Variants in MYLK observed in about 807,000 individuals in gnomAD.
The protein encoded by MYLK is myosin light chain kinase, also known as myosin light chain kinase, smooth muscle.
In MYLK, 106 loss-of-function variants were observed where a neutral mutation model predicts 203.4. That is an observed-to-expected ratio of 0.52 (90% CI 0.45 to 0.61). The LOEUF (loss-of-function observed/expected upper bound fraction) is 0.61, where lower values mean the gene tolerates loss of function less well. MYLK is among the 20% of genes least tolerant of loss of function. The pLI is 0.00. For synonymous variants in MYLK, 867 were observed against 959.5 expected, an observed-to-expected ratio of 0.90 and a Z score of 1.78; for missense variants, 2,072 against 2,442.3, an observed-to-expected ratio of 0.85 and a Z score of 3.20.
chr3:123,854,472 A>C (rs2031167814), intron 2 of MYLK, among the ~76,000 whole-genome samples: 1 of 152,136 alleles, frequency 6.6e-6, no homozygotes, highest in Non-Finnish European at 1.5e-5. Context: ...ATAGCTAACA[A>C]ATAAATATAA....
At chr3:123,857,950 A>C (rs1307297399) in intron 2 of MYLK, among the ~76,000 whole-genome samples, 1 of 152,088 alleles carries the variant, frequency 6.6e-6, no homozygotes, top group Non-Finnish European at 1.5e-5. Flanking sequence ...CTTGCACTTC[A>C]ACCCTCCCAC....
chr3:123,874,529 C>T (rs916512294), intron 2 of MYLK, among the ~76,000 whole-genome samples: 1 of 152,020 alleles, frequency 6.6e-6, no homozygotes, highest in Non-Finnish European at 1.5e-5. Flanking sequence ...AAATGTAAAA[C>T]GTCTTGAAGA....
At chr3:123,704,915 G>GT (rs897640770) in intron 16 of MYLK, among the ~76,000 whole-genome samples, 3 of 152,030 alleles carry the variant, frequency 2.0e-5, no homozygotes, top group Admixed American at 2.0e-4. Context: ...GTGAGATTCT[G>GT]TCAAAAAATA....
chr3:123,837,047 T>C (rs1197205191), intron 2 of MYLK, among the ~76,000 whole-genome samples: 1 of 152,190 alleles, frequency 6.6e-6, no homozygotes, highest in African/African-American at 2.4e-5. Flanking sequence ...ACATTTCTTT[T>C]TATTTTTTTG....
chr3:123,612,218 G>GTGTT lies in MYLK; in HGVS notation c.*1883_*1886dup, dbSNP rs879252336. ...CAGTTCTTCACATCTAGGCACCACA[G>GTGTT]TGTTTGTTTTTCATTTCCAGGATAT... is the stretch of plus-strand genomic sequence containing the variant. On this transcript the variant is annotated 3_prime_UTR_variant, in exon 34 of 34. Transcript: ENST00000360304. The GTGTT allele has an allele frequency of 1.3e-5, 2 of 152,652 alleles. No homozygotes were observed. The highest frequency in any genetic ancestry group is 2.4e-5 in the African/African-American group (1 of 41,450). 9.5% of individuals were successfully genotyped at this position (152,652 alleles called of 1,614,324 possible). A position where few individuals can be genotyped will look rare whatever the true frequency, so the allele number is the denominator to read the frequency against.
intron 4 of MYLK, among the ~76,000 whole-genome samples, chr3:123,753,898 T>C (rs1477357116): frequency 6.6e-6 from 1 of 152,200 alleles, no homozygotes; most frequent in Non-Finnish European, 1.5e-5. Context: ...TGGATACGGA[T>C]GAAGCAAAAT....
At chr3:123,762,331 C>T (rs4678055) in intron 4 of MYLK, among the ~76,000 whole-genome samples, 31 of 152,026 alleles carry the variant, frequency 2.0e-4, no homozygotes, top group South Asian at 4.2e-4. Context: ...CATGCTCAAG[C>T]GATCCTCCCA....
At chr3:123,618,228 C>A (rs186356959) in intron 33 of MYLK, 2 of 247,232 alleles carry the variant, frequency 8.1e-6, no homozygotes, top group Non-Finnish European at 1.6e-5. Flanking sequence ...AGTAGCAGAG[C>A]CTGCCGATTC....
intron 27 of MYLK, among the ~76,000 whole-genome samples, chr3:123,641,277 T>G (rs1322247872): frequency 6.6e-6 from 1 of 152,188 alleles, no homozygotes; most frequent in Non-Finnish European, 1.5e-5. Context: ...TCAGTGCAAA[T>G]GCATGGCCCC....
intron 4 of MYLK, among the ~76,000 whole-genome samples, chr3:123,788,222 G>A (rs2064618036): frequency 6.6e-6 from 1 of 152,096 alleles, no homozygotes; most frequent in Non-Finnish European, 1.5e-5. Flanking sequence ...AATTCCTATA[G>A]TAGAAACTAT....
rs898548761 is a variant in MYLK, at chr3:123,690,235, T to A, written c.3565+2500A>T. Among the ~76,000 whole-genome samples the A allele has an allele frequency of 2.6e-5, 4 of 152,328 alleles. No homozygotes were observed. In the South Asian group the frequency reaches 8.3e-4, roughly 32 times the overall value. On this transcript the variant is annotated intron_variant, in intron 19 of 33. Coordinates refer to ENST00000360304, the MANE Select transcript of MYLK (RefSeq NM_053025.4). Reference sequence around the variant, plus strand: ...TGGGCAGTTGCAGCTGGAGACAGGCTGGAAGAGCCCACACAATGGCTGGGC... The same window carrying A: ...TGGGCAGTTGCAGCTGGAGACAGGCAGGAAGAGCCCACACAATGGCTGGGC...
At chr3:123,861,093 G>T (rs2031858590) in intron 2 of MYLK, among the ~76,000 whole-genome samples, 1 of 150,054 alleles carries the variant, frequency 6.7e-6, no homozygotes, top group Non-Finnish European at 1.5e-5. Context: ...TGGCACCACT[G>T]CACTCTAGCC....
intron 18 of MYLK, 96 bp from the exon 19 acceptor site, chr3:123,692,947 C>T (rs1043602135): frequency 2.1e-5 from 22 of 1,051,574 alleles, no homozygotes; most frequent in African/African-American, 4.7e-5. Flanking sequence ...CACGGGCAGC[C>T]TCTGGGAGCC....
chr3:123,709,414 A>G (rs1261693196), intron 14 of MYLK: 1 of 340,426 alleles, frequency 2.9e-6, no homozygotes, highest in Non-Finnish European at 5.7e-6. Flanking sequence ...TGCTGGGATT[A>G]CAGGCGTGAG....
intron 2 of MYLK, among the ~76,000 whole-genome samples, chr3:123,849,738 C>G (rs535202410): frequency 9.9e-5 from 15 of 151,186 alleles, no homozygotes; most frequent in Middle Eastern, 3.2e-3. Flanking sequence ...TTTCTGAGTA[C>G]ATTTATTCAT....
intron 6 of MYLK, among the ~76,000 whole-genome samples, chr3:123,739,429 C>T (rs980315566): frequency 1.3e-5 from 2 of 152,200 alleles, no homozygotes; most frequent in Admixed American, 6.5e-5. Context: ...TGCAGTCTCT[C>T]GTCCACTCTG....
intron 32 of MYLK, among the ~76,000 whole-genome samples, chr3:123,619,900 G>T (rs1576318125): frequency 1.3e-5 from 2 of 151,104 alleles, no homozygotes; most frequent in South Asian, 4.1e-4. Flanking sequence ...AAGAACAAAA[G>T]AAGATTTTAA....
intron 2 of MYLK, among the ~76,000 whole-genome samples, chr3:123,875,144 G>A (rs2033067796): frequency 6.6e-6 from 1 of 152,100 alleles, no homozygotes; most frequent in South Asian, 2.1e-4. Context: ...TGAAATCTAT[G>A]TTCACCTAAA....
At chr3:123,717,924 C>T (rs1457192624) in intron 13 of MYLK, among the ~76,000 whole-genome samples, 11 of 143,096 alleles carry the variant, frequency 7.7e-5, no homozygotes, top group African/African-American at 1.0e-4. Context: ...GGTGTGATTA[C>T]GGCTCACTGC....
Sources: allele counts gnomAD v4.1 joint callset (sites outside exome capture counted in the v4.1 genomes callset), GRCh38; gene constraint gnomAD v4.1.1; transcripts MANE v1.5; gene names NCBI Gene and HGNC (gene_info 2026-07-23, HGNC 2026-07-21).